The following GAB1 variants were observed in gnomAD, a reference collection of about 807,000 sequenced individuals.
GAB1 encodes GRB2-associated-binding protein 1.
GAB1 carries 19 observed loss-of-function variants against 66.5 expected under a neutral mutation model. The ratio of observed to expected loss-of-function variants is 0.29; its 90% confidence interval spans 0.20 to 0.42. GAB1 has a LOEUF of 0.42. Ranked by LOEUF, GAB1 falls within the 10% of genes least tolerant of loss-of-function variation. The probability of loss-of-function intolerance (pLI) is 1.00; values close to 1 mark genes in which losing one functional copy is unlikely to be tolerated. For missense variants in GAB1, 732 were observed against 858.5 expected, an observed-to-expected ratio of 0.85 and a Z score of 1.84; for synonymous variants, 294 against 301.4, an observed-to-expected ratio of 0.98 and a Z score of 0.25.
At chr4:143,384,137 A>G (rs1195853588) in intron 1 of GAB1, among the ~76,000 whole-genome samples, 1 of 152,210 alleles carries the variant, frequency 6.6e-6, no homozygotes, top group Non-Finnish European at 1.5e-5. Flanking sequence ...TCTTCCTTCT[A>G]AATTATAGAA....
chr4:143,425,343 A>G (rs6842199), intron 2 of GAB1: 41,679 of 767,116 alleles, frequency 0.054, 3,410 homozygotes, highest in African/African-American at 0.31. Context: ...AGCCAATCCA[A>G]TTGCTGGTCA....
rs527266184 is a variant in GAB1, at chr4:143,424,916, C to T, written c.368-8575C>T. The T allele has an allele frequency of 4.7e-5, 25 of 536,900 alleles. No homozygotes were observed. In the South Asian group the frequency reaches 5.2e-4, roughly 11 times the overall value. The allele number at this position is 536,900 out of a possible 1,614,324, so 33.3% of individuals were successfully genotyped here. On this transcript the variant is annotated intron_variant, in intron 2 of 9. Coordinates refer to ENST00000262994, the MANE Select transcript of GAB1 (RefSeq NM_002039.4). ...GTTGCAGTGAGCCAAGATTGTTTCACTGCACTCCAGCCTGGTGGCAGAGCG... is the reference window on the plus strand; with the variant it reads ...GTTGCAGTGAGCCAAGATTGTTTCATTGCACTCCAGCCTGGTGGCAGAGCG...
At chr4:143,459,126 T>G (rs1735350947) in intron 6 of GAB1, among the ~76,000 whole-genome samples, 1 of 152,226 alleles carries the variant, frequency 6.6e-6, no homozygotes, top group Non-Finnish European at 1.5e-5. Flanking sequence ...AAATATGCAC[T>G]TAGGCAACAT....
chr4:143,466,394 T>C (rs2149798687), intron 9 of GAB1, among the ~76,000 whole-genome samples, 169 bp downstream of exon 9: 1 of 152,110 alleles, frequency 6.6e-6, no homozygotes, highest in South Asian at 2.1e-4. Flanking sequence ...TTATGGAGAC[T>C]GATTATTTTT....
At position 143,469,215 on chromosome 4, in the gene GAB1, A is replaced by G; in HGVS notation, c.*26A>G. The G allele has an allele frequency of 6.2e-7, 1 of 1,610,792 alleles. No homozygotes were observed. On this transcript the variant is annotated 3_prime_UTR_variant, in exon 10 of 10. Transcript: ENST00000262994. The stretch of plus-strand genomic sequence containing the variant: ...AAATATTGCCTTGCCATTTCTGAAC[A>G]AAAGAAAACTGAATTGTAAAGATAA...
rs1000162418 is a variant in GAB1, at chr4:143,336,954, G to A, written c.-235G>A. On this transcript the variant is annotated 5_prime_UTR_variant, in exon 1 of 10. Transcript: ENST00000262994. ...GGAGGCGAGGCGGGCGCACTGAAAG[G>A]AGGCCGGCGCGCCCGCGGCCCCGGC... 732 of 483,334 alleles carry A rather than the reference G, an allele frequency of 1.5e-3. 3 individuals carry two copies. Among genetic ancestry groups the A allele is most frequent in the Non-Finnish European group, 6.2e-4 (170 of 273,300 alleles). The allele number at this position is 483,334 out of a possible 1,614,324, so 29.9% of individuals were successfully genotyped here. A position where few individuals can be genotyped will look rare whatever the true frequency, so the allele number is the denominator to read the frequency against.
intron 1 of GAB1, among the ~76,000 whole-genome samples, chr4:143,406,529 C>G (rs1000475732): frequency 6.6e-6 from 1 of 152,244 alleles, no homozygotes; most frequent in Non-Finnish European, 1.5e-5. Flanking sequence ...CTCCAACTAA[C>G]AGAGCCTTGG....
intron 1 of GAB1, among the ~76,000 whole-genome samples, chr4:143,345,259 A>G (rs1337590827): frequency 6.6e-6 from 1 of 152,126 alleles, no homozygotes; most frequent in African/African-American, 2.4e-5. Context: ...AAGAATGCCA[A>G]ATTTACCAAG....
intron 1 of GAB1, among the ~76,000 whole-genome samples, chr4:143,386,561 G>A (rs547339511): frequency 6.6e-6 from 1 of 151,848 alleles, no homozygotes; most frequent in African/African-American, 2.4e-5. Flanking sequence ...CTAATTTTTT[G>A]ATTTTTTATA....
chr4:143,404,013 T>A (rs1443656431), intron 1 of GAB1, among the ~76,000 whole-genome samples: 2 of 152,264 alleles, frequency 1.3e-5, no homozygotes, highest in Non-Finnish European at 2.9e-5. Flanking sequence ...CCTTTAGTTC[T>A]TAATGTGAAA....
intron 1 of GAB1, among the ~76,000 whole-genome samples, chr4:143,375,513 C>T (rs752824321): frequency 3.9e-5 from 6 of 152,122 alleles, no homozygotes; most frequent in Non-Finnish European, 8.8e-5. Context: ...ACTTATCTTG[C>T]CTCCCAACAT....
intron 1 of GAB1, among the ~76,000 whole-genome samples, chr4:143,338,711 G>GT (rs1314877871): frequency 1.1e-4 from 13 of 121,328 alleles, no homozygotes; most frequent in African/African-American, 6.4e-5. Flanking sequence ...AGAAAGGTAG[G>GT]GGTGTGTGTG....
At chr4:143,460,589 T>G (rs1560787189) in intron 8 of GAB1, 102 bp downstream of exon 8, 2 of 1,058,282 alleles carry the variant, frequency 1.9e-6, no homozygotes, top group Non-Finnish European at 1.3e-6. Context: ...TTTATATACT[T>G]AAGAAAAAGC....
chr4:143,450,894 A>G (rs1030203239), intron 6 of GAB1, among the ~76,000 whole-genome samples: 3 of 152,130 alleles, frequency 2.0e-5, no homozygotes, highest in Non-Finnish European at 4.4e-5. Flanking sequence ...GCATCTCAAA[A>G]AAAAAAAACA....
chr4:143,381,961 C>T (rs1198599123), intron 1 of GAB1: 1 of 152,218 alleles, frequency 6.6e-6, no homozygotes, highest in African/African-American at 2.4e-5. Context: ...TTCCTAGACT[C>T]TAGTCATGAA....
At chr4:143,369,147 G>A (rs1160152326) in intron 1 of GAB1, among the ~76,000 whole-genome samples, 1 of 151,998 alleles carries the variant, frequency 6.6e-6, no homozygotes, top group Non-Finnish European at 1.5e-5. Flanking sequence ...TGCCGTGTTG[G>A]CCAGGCTGGT....
intron 1 of GAB1, among the ~76,000 whole-genome samples, chr4:143,370,139 A>G (rs1730054633): frequency 6.6e-6 from 1 of 152,252 alleles, no homozygotes; most frequent in Non-Finnish European, 1.5e-5. Flanking sequence ...GACAGTAAAA[A>G]TGTAGGGTAT....
chr4:143,348,656 C>A (rs1729065867), intron 1 of GAB1, among the ~76,000 whole-genome samples: 1 of 152,230 alleles, frequency 6.6e-6, no homozygotes, highest in South Asian at 2.1e-4. Context: ...TCTGAAATAC[C>A]AATCTGATAA....
chr4:143,443,309 C>A (rs1734340660), intron 6 of GAB1, among the ~76,000 whole-genome samples: 2 of 152,064 alleles, frequency 1.3e-5, no homozygotes, highest in Non-Finnish European at 2.9e-5. Flanking sequence ...AGCCACTGTG[C>A]CCGGCCTGTA....
Sources: gnomAD v4.1 joint callset for allele counts (sites outside exome capture counted in the v4.1 genomes callset) on GRCh38, gnomAD v4.1.1 for gene constraint, MANE v1.5 for transcripts, NCBI Gene and HGNC (gene_info 2026-07-23, HGNC 2026-07-21) for gene names.